The following DNER variants were observed in gnomAD, a reference collection of about 807,000 sequenced individuals.
DNER encodes the protein delta/notch like EGF repeat containing.
A neutral mutation model predicts 78.2 loss-of-function variants in DNER; 33 were observed. The observed-to-expected ratio is 0.42, with a 90% CI of 0.32 to 0.56. The LOEUF is 0.56. Ranked by LOEUF, DNER falls within the 20% of genes least tolerant of loss-of-function variation. The pLI is 0.11. For synonymous variants in DNER, 417 were observed against 384.8 expected, an observed-to-expected ratio of 1.08 and a Z score of -0.98; for missense variants, 918 against 975.3, an observed-to-expected ratio of 0.94 and a Z score of 0.78.
chr2:229,432,929 T>TTTG (rs906457690), intron 8 of DNER, among the ~76,000 whole-genome samples: 156 of 151,906 alleles, frequency 1.0e-3, no homozygotes, highest in East Asian at 3.7e-3. Flanking sequence ...TTTTTTGTGT[T>TTTG]TTGTTGTTGT....
intron 1 of DNER, among the ~76,000 whole-genome samples, chr2:229,594,374 G>T (rs1474639483): frequency 6.6e-6 from 1 of 152,204 alleles, no homozygotes; most frequent in Admixed American, 6.5e-5. Context: ...AGATCACAAG[G>T]TGAGGAGTTT....
At chr2:229,657,178 TG>T (rs995162000) in intron 1 of DNER, among the ~76,000 whole-genome samples, 1 of 143,062 alleles carries the variant, frequency 7.0e-6, no homozygotes, top group African/African-American at 2.6e-5. Flanking sequence ...ACCACTGTTC[TG>T]CTTTCTGCTT....
intron 1 of DNER, among the ~76,000 whole-genome samples, chr2:229,639,502 C>A (rs1698580135): frequency 6.6e-6 from 1 of 152,182 alleles, no homozygotes; most frequent in Non-Finnish European, 1.5e-5. Context: ...GATCTGCCCA[C>A]CTCGGCCTCC....
At chr2:229,391,771 G>C (rs577718086) in intron 10 of DNER, among the ~76,000 whole-genome samples, 7 of 152,178 alleles carry the variant, frequency 4.6e-5, no homozygotes, top group African/African-American at 1.7e-4. Flanking sequence ...TTGAACTCCT[G>C]ACCTCAGGTG....
In DNER at chr2:229,714,432, G is replaced by A. The variant is rs1481683377; in HGVS notation, c.-9C>T. On this transcript the variant is annotated 5_prime_UTR_variant, in exon 1 of 13. Transcript: ENST00000341772. ...GCGCGGCGGGGCTGCATGGCCGGCCGGGAGGGCGCGGGAGCCGGAGCCAGG... is the reference window on the plus strand; with the variant it reads ...GCGCGGCGGGGCTGCATGGCCGGCCAGGAGGGCGCGGGAGCCGGAGCCAGG... 2.7e-6 allele frequency: 3 copies of A among 1,126,172 alleles called. No homozygotes were observed. The highest frequency in any genetic ancestry group is 3.2e-6 in the Non-Finnish European group (3 of 923,546). 69.8% of individuals were successfully genotyped at this position (1,126,172 alleles called of 1,614,324 possible).
chr2:229,491,617 C>T (rs1039585754), intron 6 of DNER, among the ~76,000 whole-genome samples: 1 of 152,158 alleles, frequency 6.6e-6, no homozygotes, highest in Non-Finnish European at 1.5e-5. Flanking sequence ...CAAACATTTC[C>T]CCTTCTAGGA....
chr2:229,410,777 TAA>T (rs1254479532), intron 9 of DNER, among the ~76,000 whole-genome samples: 1 of 152,242 alleles, frequency 6.6e-6, no homozygotes, highest in Non-Finnish European at 1.5e-5. Context: ...ACACCAATTA[TAA>T]GTCTTTGTTG....
chr2:229,425,771 C>A (rs548119588), intron 8 of DNER, among the ~76,000 whole-genome samples: 1 of 152,270 alleles, frequency 6.6e-6, no homozygotes, highest in East Asian at 1.9e-4. Context: ...AAATTCCCAG[C>A]GACTCATCTG....
At chr2:229,445,782 C>T (rs1263682824) in intron 8 of DNER, among the ~76,000 whole-genome samples, 1 of 152,208 alleles carries the variant, frequency 6.6e-6, no homozygotes, top group African/African-American at 2.4e-5. Context: ...TCTCTCTCCT[C>T]GCTCTCTGTC....
intron 4 of DNER, among the ~76,000 whole-genome samples, chr2:229,550,776 AAAAT>A (rs113610938): frequency 1.2e-4 from 18 of 152,182 alleles, no homozygotes; most frequent in African/African-American, 3.4e-4. Flanking sequence ...TCTGTCTCAA[AAAAT>A]AAATAAATAA....
At chr2:229,510,138 G>GTAAAA (rs55879896) in intron 6 of DNER, among the ~76,000 whole-genome samples, 53,095 of 151,758 alleles carry the variant, frequency 0.35, 11,092 homozygotes, top group Non-Finnish European at 0.47. Context: ...GAGGCAAAAG[G>GTAAAA]TAAAGGTGGC....
chr2:229,653,886 G>T (rs527877690), intron 1 of DNER, among the ~76,000 whole-genome samples: 2 of 152,094 alleles, frequency 1.3e-5, no homozygotes, highest in South Asian at 4.2e-4. Flanking sequence ...GAAATTCCTT[G>T]GTGTAAGATT....
Position 229,714,357 on chromosome 2 carries a change from G to A in DNER, c.67C>T (p.Leu23=), listed in dbSNP as rs1574582498. The A allele has an allele frequency of 8.1e-7, 1 of 1,232,786 alleles. No homozygotes were observed. 76.4% of individuals were successfully genotyped at this position (1,232,786 alleles called of 1,614,324 possible). The change falls in exon 1 of 13, where the codon CTG becomes TTG. Residue 23 remains leucine, a synonymous_variant. Transcript: ENST00000341772. The stretch of plus-strand genomic sequence containing the variant: ...CTGCCTCGGGGCCCCGCTCCGAGCA[G>A]CAGCAGCAGCAGGGCCAGCGCGGGC... ...LLPALALLLL[L]LGAGPRGSSL...
At chr2:229,424,669 C>A (rs1009273556) in intron 8 of DNER, among the ~76,000 whole-genome samples, 1 of 152,096 alleles carries the variant, frequency 6.6e-6, no homozygotes, top group Non-Finnish European at 1.5e-5. Context: ...TCTCATTGAA[C>A]CTTAATTACC....
chr2:229,637,046 A>C (rs2154215917), intron 1 of DNER, among the ~76,000 whole-genome samples: 1 of 152,266 alleles, frequency 6.6e-6, no homozygotes, highest in Admixed American at 6.5e-5. Flanking sequence ...CAAGTGAGAA[A>C]CTTCTGTGAG....
rs149446133 is a variant in DNER at position 229,622,661 on chromosome 2, T to A, written c.277-30773A>T. On this transcript the variant is annotated intron_variant, in intron 1 of 12. Transcript: ENST00000341772. ...TTTGGAAACAGGGTCTTTGTGGACA[T>A]AGTTAGATATGATGAGGTCATACTA... Among the ~76,000 whole-genome samples the A allele has an allele frequency of 3.6e-3, 553 of 152,244 alleles. 4 individuals carry two copies. Among genetic ancestry groups the A allele is most frequent in the African/African-American group, 0.012 (517 of 41,556 alleles).
intron 4 of DNER, among the ~76,000 whole-genome samples, chr2:229,572,062 C>A (rs1026591026): frequency 1.3e-5 from 2 of 152,174 alleles, no homozygotes; most frequent in African/African-American, 2.4e-5. Flanking sequence ...TACATCCTAT[C>A]CCTTTGTTAA....
chr2:229,515,675 C>T (rs1695956866), intron 5 of DNER, among the ~76,000 whole-genome samples: 2 of 132,990 alleles, frequency 1.5e-5, no homozygotes, highest in Non-Finnish European at 3.1e-5. Context: ...CAGTCTCACT[C>T]TGTCACCCAG....
chr2:229,665,926 A>C lies in DNER; in HGVS notation c.276+48222T>G, dbSNP rs186432631. Among the ~76,000 whole-genome samples the C allele has an allele frequency of 1.5e-3, 226 of 152,152 alleles. 1 individual carries two copies. Among genetic ancestry groups the C allele is most frequent in the Non-Finnish European group, 2.2e-3 (148 of 68,008 alleles). ...ATTTTTCAATTCTAATCTCAACTCAATTCCAATCACTGTGCATGCCAGATA... is the reference window on the plus strand; with the variant it reads ...ATTTTTCAATTCTAATCTCAACTCACTTCCAATCACTGTGCATGCCAGATA... On this transcript the variant is annotated intron_variant, in intron 1 of 12. Coordinates refer to ENST00000341772, the MANE Select transcript of DNER (RefSeq NM_139072.4).
Sources: gnomAD v4.1 joint callset for allele counts (sites outside exome capture counted in the v4.1 genomes callset) on GRCh38, gnomAD v4.1.1 for gene constraint, MANE v1.5 for transcripts, NCBI Gene and HGNC (gene_info 2026-07-23, HGNC 2026-07-21) for gene names.